The following IFT122 variants were observed in gnomAD, a reference collection of about 807,000 sequenced individuals.
IFT122 encodes the protein intraflagellar transport protein 122 homolog.
IFT122 carries 118 observed loss-of-function variants against 161.6 expected under a neutral mutation model. That is an observed-to-expected ratio of 0.73 (90% CI 0.63 to 0.85). The LOEUF is 0.85. Ranked by LOEUF, IFT122 falls within the 40% of genes least tolerant of loss-of-function variation. IFT122 has a pLI of 0.00. For synonymous variants in IFT122, 550 were observed against 602.4 expected (o/e 0.91, Z 1.27); for missense variants, 1,381 against 1,579.6 (o/e 0.87, Z 2.13).
intron 27 of IFT122, 79 bp downstream of exon 27, chr3:129,517,673 G>C: frequency 6.4e-7 from 1 of 1,562,298 alleles, no homozygotes; most frequent in Non-Finnish European, 8.8e-7. Context: ...GGAGGGCCCA[G>C]TCCCAGGGGA....
chr3:129,504,383 G>A lies in IFT122; in HGVS notation c.2612G>A (p.Trp871Ter), dbSNP rs764716919. The change falls in exon 21 of 30, where the codon TGG (tryptophan) becomes TAG (stop). Residue 871 changes from tryptophan to a stop codon, truncating the protein, a stop_gained. Coordinates refer to ENST00000348417, the MANE Select transcript of IFT122 (RefSeq NM_052989.3). LOFTEE classifies it high-confidence loss of function. Reference protein sequence around the residue: ...KDDIYMPYAQWLAENDRFEEA... With the variant: ...KDDIYMPYAQ ...GACATCTACATGCCGTATGCTCAGTGGCTAGCAGAGAACGATCGCTTTGAG... is the reference window on the plus strand; with the variant it reads ...GACATCTACATGCCGTATGCTCAGTAGCTAGCAGAGAACGATCGCTTTGAG... The A allele has an allele frequency of 6.2e-7, 1 of 1,614,118 alleles. No individual in the cohort carries two copies. Among genetic ancestry groups the A allele is most frequent in the Non-Finnish European group, 8.5e-7 (1 of 1,179,984 alleles).
intron 2 of IFT122, among the ~76,000 whole-genome samples, chr3:129,450,821 C>T (rs1421014523): frequency 6.7e-6 from 1 of 149,924 alleles, no homozygotes. Context: ...CCCGGGTTCA[C>T]ACCATTCTCC....
chr3:129,495,696 C>T (rs2080754371), intron 18 of IFT122, 89 bp downstream of exon 18: 1 of 1,459,110 alleles, frequency 6.9e-7, no homozygotes, highest in East Asian at 2.3e-5. Context: ...CCCAAGAGTG[C>T]TGCGGACAAA....
chr3:129,486,320 A>G (rs2079275055), intron 15 of IFT122, among the ~76,000 whole-genome samples: 1 of 152,170 alleles, frequency 6.6e-6, no homozygotes, highest in Admixed American at 6.5e-5. Context: ...CTGTAACTAG[A>G]GCAACTCATT....
At chr3:129,456,225 A>T (rs770194578) in intron 3 of IFT122, 5 of 1,286,088 alleles carry the variant, frequency 3.9e-6, no homozygotes, top group Non-Finnish European at 5.1e-6. Context: ...CATCACCATC[A>T]CCTGCTACCT....
At position 129,495,507 on chromosome 3, in the gene IFT122, A is replaced by G; in HGVS notation, c.2108A>G (p.Gln703Arg). The change falls in exon 18 of 30, where the codon CAG (glutamine) becomes CGG (arginine). Residue 703 changes from glutamine (Q) to arginine (R), a missense_variant. Around this residue, in one of 7 missense-constraint regions of IFT122, gnomAD observed 496 missense variants for 502.5 expected, o/e 0.99. Coordinates refer to ENST00000348417, the MANE Select transcript of IFT122 (RefSeq NM_052989.3). ...TTTCTGGCAGATGTGTTTTCCTACCAGGGGAAGTTCCATGAGGCCGCCAAA... is the reference window on the plus strand; with the variant it reads ...TTTCTGGCAGATGTGTTTTCCTACCGGGGGAAGTTCCATGAGGCCGCCAAA... ...DLFLADVFSY[Q>R]GKFHEAAKLY... The G allele has an allele frequency of 1.2e-6, 2 of 1,614,222 alleles. No homozygotes were observed. The highest frequency in any genetic ancestry group is 1.7e-6 in the Non-Finnish European group (2 of 1,180,046).
chr3:129,491,868 CTG>C (rs1303180421), intron 16 of IFT122, among the ~76,000 whole-genome samples: 2 of 152,242 alleles, frequency 1.3e-5, no homozygotes, highest in African/African-American at 4.8e-5. Flanking sequence ...CCGCCACAGA[CTG>C]TGGCATCACG....
At position 129,483,352 on chromosome 3, in the gene IFT122, A is replaced by C. The variant is rs1018158892; in HGVS notation, c.1654-133A>C. On this transcript the variant is annotated intron_variant, in intron 14 of 29. Coordinates refer to ENST00000348417, the MANE Select transcript of IFT122 (RefSeq NM_052989.3). ...GTTCATTTCTTTGTGGTCCCCTTTC[A>C]TCCTTTTCCCTCCATCCCACTGTAA... 3.8e-6 allele frequency: 3 copies of C among 785,290 alleles called. No individual in the cohort carries two copies. The African/African-American group carries it at 5.1e-5, about 13-fold the overall frequency. 48.6% of individuals were successfully genotyped at this position (785,290 alleles called of 1,614,324 possible).
At chr3:129,514,577 C>T in intron 25 of IFT122, 23 bp downstream of exon 25, 1 of 1,613,994 alleles carries the variant, frequency 6.2e-7, no homozygotes, top group Non-Finnish European at 8.5e-7. Context: ...CACCCTTGGG[C>T]AGGTGGCTTC....
intron 26 of IFT122, 115 bp from the exon 27 acceptor site, chr3:129,517,354 C>G (rs891926650): frequency 7.2e-7 from 1 of 1,390,380 alleles, no homozygotes. Flanking sequence ...CCTCTTCTTG[C>G]TTTTGGTGAA....
At chr3:129,443,106 G>A (rs1225641490) in intron 1 of IFT122, among the ~76,000 whole-genome samples, 2 of 152,144 alleles carry the variant, frequency 1.3e-5, no homozygotes, top group Non-Finnish European at 2.9e-5. Flanking sequence ...GTCTTTATAG[G>A]TGTTATCATG....
Position 129,506,882 on chromosome 3 carries a change from C to T in IFT122, c.2791+333C>T, listed in dbSNP as rs1408042578. On this transcript the variant is annotated intron_variant, in intron 22 of 29. Coordinates refer to ENST00000348417, the MANE Select transcript of IFT122 (RefSeq NM_052989.3). ...TTTTTTAATTAAATGAGAAGATGAA[C>T]GAGAGATGGCTTTACAGTAACACAC... Among the ~76,000 whole-genome samples the T allele has an allele frequency of 2.6e-5, 4 of 152,080 alleles. No homozygotes were observed. In the East Asian group the frequency reaches 5.8e-4, roughly 22 times the overall value.
At position 129,449,881 on chromosome 3, in the gene IFT122, A is replaced by G. The variant is rs756511809; in HGVS notation, c.52A>G (p.Ile18Val). 8 of 1,612,482 alleles carry G rather than the reference A, an allele frequency of 5.0e-6. No homozygotes were observed. The East Asian group carries it at 1.3e-4, about 27-fold the overall frequency. ...RDKAEHCIND[I>V]AFKPDGTQLI... is the part of the protein sequence containing the mutation. ...TTGTCTTCTGTTCAGTATAAATGAC[A>G]TCGCATTTAAGCCTGATGGAACTCA... The change falls in exon 2 of 30, where the codon ATC (isoleucine) becomes GTC (valine). Residue 18 changes from isoleucine (I) to valine (V), a missense_variant. Physicochemically the swap from Ile to Val is conservative, Grantham distance 29. Around this residue, in one of 7 missense-constraint regions of IFT122, gnomAD observed 134 missense variants for 137.4 expected, o/e 0.98. Transcript: ENST00000348417.
chr3:129,463,952 C>T lies in IFT122; in HGVS notation c.416+326C>T, dbSNP rs140407982. ...GGGGAAGAAAGCTTTCCCTCCCACA[C>T]TTTGATGCTAGACCTGAATTAGAAT... On this transcript the variant is annotated intron_variant, in intron 6 of 29. Transcript: ENST00000348417. 2.4e-3 allele frequency among the ~76,000 whole-genome samples: 371 copies of T among 152,304 alleles called. 5 individuals are homozygous for T. Among genetic ancestry groups the T allele is most frequent in the South Asian group, 2.9e-3 (14 of 4,824 alleles).
intron 18 of IFT122, among the ~76,000 whole-genome samples, chr3:129,498,648 G>A (rs1157644546): frequency 6.6e-6 from 1 of 152,134 alleles, no homozygotes; most frequent in African/African-American, 2.4e-5. Flanking sequence ...GAAAGCAAAT[G>A]AGGGAAAAAA....
intron 26 of IFT122, among the ~76,000 whole-genome samples, chr3:129,516,933 CTGCCCCTGCACACACACAG>C (rs2083892540): frequency 7.3e-6 from 1 of 137,018 alleles, no homozygotes; most frequent in African/African-American, 2.8e-5. Flanking sequence ...CACACGGAGA[CTGCCCCTGCACACACACAG>C]AGACTGCCCC....
chr3:129,461,709 C>T (rs1186816328), intron 5 of IFT122, among the ~76,000 whole-genome samples: 1 of 152,184 alleles, frequency 6.6e-6, no homozygotes, highest in Non-Finnish European at 1.5e-5. Context: ...ATGTGAAATT[C>T]TTCACTGTTG....
Position 129,451,927 on chromosome 3 carries a change from C to T in IFT122, c.122C>T (p.Ser41Phe). 1.2e-6 allele frequency: 2 copies of T among 1,613,844 alleles called. No homozygotes were observed. Among genetic ancestry groups the T allele is most frequent in the Non-Finnish European group, 1.7e-6 (2 of 1,179,732 alleles). ...CTCTTTTGCCAGGTTTATGACACCT[C>T]TGATGGCACCTTACTTCAGCCCCTC... Reference protein sequence around the residue: ...AGSRLLVYDTSDGTLLQPLKG... With the variant: ...AGSRLLVYDTFDGTLLQPLKG... The change falls in exon 3 of 30, where the codon TCT becomes TTT. Residue 41 changes from serine (S) to phenylalanine (F), a missense_variant. Ser to Phe is a radical substitution (Grantham distance 155). Around this residue, in one of 7 missense-constraint regions of IFT122, gnomAD observed 134 missense variants for 137.4 expected, o/e 0.98. Coordinates refer to ENST00000348417, the MANE Select transcript of IFT122 (RefSeq NM_052989.3).
At chr3:129,481,812 G>A in intron 14 of IFT122, 118 bp downstream of exon 14, 1 of 1,094,512 alleles carries the variant, frequency 9.1e-7, no homozygotes, top group Non-Finnish European at 1.4e-6. Context: ...GGGAGGGGCA[G>A]GGGCCAAGCA....
Sources: allele counts gnomAD v4.1 joint callset (sites outside exome capture counted in the v4.1 genomes callset), GRCh38; gene constraint gnomAD v4.1.1; regional missense constraint gnomAD v4.1.1; transcripts MANE v1.5; gene names NCBI Gene and HGNC (gene_info 2026-07-23, HGNC 2026-07-21).